TCF20: variants seen among roughly 807,000 people sequenced by gnomAD.
TCF20 encodes transcription factor 20.
TCF20 carries 3 observed loss-of-function variants against 148.6 expected under a neutral mutation model. The observed-to-expected ratio is 0.02, with a 90% CI of 0.01 to 0.05. The LOEUF (loss-of-function observed/expected upper bound fraction) is 0.05. TCF20 is among the 10% of genes least tolerant of loss of function. TCF20 has a pLI of 1.00. For missense variants in TCF20, 2,350 were observed against 2,429.3 expected (o/e 0.97, Z 0.69); for synonymous variants, 1,049 against 909.5 (o/e 1.15, Z -2.76).
intron 1 of TCF20, among the ~76,000 whole-genome samples, chr22:42,232,805 GAAAAA>G (rs373162435): frequency 3.8e-5 from 5 of 131,400 alleles, no homozygotes; most frequent in African/African-American, 1.2e-4. Context: ...TCTCCAAAAA[GAAAAA>G]AAAAAAAAAA....
intron 1 of TCF20, among the ~76,000 whole-genome samples, chr22:42,226,863 A>T (rs1252029428): frequency 6.6e-6 from 1 of 152,234 alleles, no homozygotes; most frequent in Non-Finnish European, 1.5e-5. Context: ...AAGGAAAGAA[A>T]CAAACTAGCA....
chr22:42,245,892 C>G (rs909721432), intron 1 of TCF20, among the ~76,000 whole-genome samples: 3 of 152,102 alleles, frequency 2.0e-5, no homozygotes, highest in African/African-American at 7.2e-5. Context: ...GAATTACAGG[C>G]ATGAGCCACC....
Position 42,210,773 on chromosome 22 carries a change from A to T in TCF20, c.4533T>A (p.Ala1511=), listed in dbSNP as rs61743644. Residue 1511 remains alanine, a synonymous_variant, in exon 2 of 6, where the codon GCT becomes GCA. Coordinates refer to ENST00000677622, the MANE Select transcript of TCF20 (RefSeq NM_001378418.1). This position sits in a 1 kb window ranked among gnomAD's most constrained non-coding sequence, Gnocchi z 4.7. ...TCACTGTATCGTTCTCCTTCTCTTC[A>T]GCCTTGGGGTTTGCCTCAGGGGCCA... is the stretch of plus-strand genomic sequence containing the variant. ...GILAPEANPK[A]EEKENDTVTI... 3 of 1,613,918 alleles carry T rather than the reference A, an allele frequency of 1.9e-6. No homozygotes were observed. In the African/African-American group the frequency reaches 4.0e-5, roughly 22 times the overall value.
At chr22:42,241,355 A>G (rs984631191) in intron 1 of TCF20, among the ~76,000 whole-genome samples, 1 of 152,248 alleles carries the variant, frequency 6.6e-6, no homozygotes, top group African/African-American at 2.4e-5. Context: ...AATACTGGAG[A>G]TATCAGGAGA....
chr22:42,212,843 T>A lies in TCF20; in HGVS notation c.2463A>T (p.Glu821Asp). ...CAGGAGCTGTGCTGCTTGATTTCCT[T>A]TCCCAGGGGCCCCAGTGGGGATTTT... Reference protein sequence around the residue: ...LLENPHWGPWERKSSSTAPEM... With the variant: ...LLENPHWGPWDRKSSSTAPEM... Residue 821 changes from glutamate to aspartate, a missense_variant, in exon 2 of 6, where the codon GAA becomes GAT. By Grantham distance (45) the Glu-to-Asp change is conservative. Around this residue, in one of 7 missense-constraint regions of TCF20, gnomAD observed 1,641 missense variants for 1,662.6 expected, o/e 0.99. Transcript: ENST00000677622. The A allele has an allele frequency of 6.2e-7, 1 of 1,614,164 alleles. No homozygotes were observed. The highest frequency in any genetic ancestry group is 8.5e-7 in the Non-Finnish European group (1 of 1,179,994).
intron 2 of TCF20, among the ~76,000 whole-genome samples, chr22:42,180,056 C>T (rs769731887): frequency 2.8e-4 from 42 of 152,268 alleles, no homozygotes; most frequent in Non-Finnish European, 5.9e-4. Flanking sequence ...TTCCTTGCTG[C>T]TATCGTGAGC....
chr22:42,243,142 T>A (rs1037568748), intron 1 of TCF20, among the ~76,000 whole-genome samples: 1 of 151,482 alleles, frequency 6.6e-6, no homozygotes, highest in African/African-American at 2.4e-5. Context: ...ACATTATGCA[T>A]TTGTCCAAAC....
chr22:42,300,220 G>A (rs1026117752), intron 1 of TCF20, among the ~76,000 whole-genome samples: 10 of 152,218 alleles, frequency 6.6e-5, no homozygotes, highest in Admixed American at 4.6e-4. Context: ...CAAGGAGAGC[G>A]GCAGGGCTTT....
chr22:42,239,817 A>G (rs148957713), intron 1 of TCF20, among the ~76,000 whole-genome samples: 1 of 152,326 alleles, frequency 6.6e-6, no homozygotes, highest in East Asian at 1.9e-4. Context: ...TAAAATGAAT[A>G]AAATGTTTAA....
intron 3 of TCF20, among the ~76,000 whole-genome samples, chr22:42,175,710 T>C (rs1380184395): frequency 2.0e-5 from 3 of 152,086 alleles, no homozygotes; most frequent in African/African-American, 7.2e-5. Flanking sequence ...TGACCCAGGG[T>C]AAATTACACC....
At chr22:42,188,895 A>G (rs1385219627) in intron 2 of TCF20, among the ~76,000 whole-genome samples, 1 of 152,244 alleles carries the variant, frequency 6.6e-6, no homozygotes, top group Non-Finnish European at 1.5e-5. Flanking sequence ...ACAGTGATGT[A>G]AACAGTACTT....
intron 3 of TCF20, among the ~76,000 whole-genome samples, chr22:42,178,848 A>C (rs1936601995): frequency 6.6e-6 from 1 of 151,930 alleles, no homozygotes; most frequent in South Asian, 2.1e-4. Flanking sequence ...ATAATTCTTA[A>C]AACTTGACAT....
intron 1 of TCF20, among the ~76,000 whole-genome samples, 152 bp downstream of exon 1, chr22:42,270,187 A>T (rs1926526295): frequency 6.6e-6 from 1 of 150,916 alleles, no homozygotes; most frequent in Admixed American, 6.6e-5. Context: ...TCAGCACCCC[A>T]AGCCCTGACT....
chr22:42,180,589 C>A (rs887920128), intron 2 of TCF20, among the ~76,000 whole-genome samples: 1 of 152,218 alleles, frequency 6.6e-6, no homozygotes, highest in East Asian at 1.9e-4. Flanking sequence ...GAGACAGAAA[C>A]TTGTTCCTGC....
intron 1 of TCF20, among the ~76,000 whole-genome samples, chr22:42,277,953 A>G (rs1425887443): frequency 1.3e-5 from 2 of 152,272 alleles, no homozygotes; most frequent in Non-Finnish European, 2.9e-5. Context: ...AGCTGCTCCA[A>G]AAACATACGT....
At chr22:42,232,125 C>T (rs1923473684) in intron 1 of TCF20, among the ~76,000 whole-genome samples, 1 of 152,056 alleles carries the variant, frequency 6.6e-6, no homozygotes, top group Admixed American at 6.6e-5. Context: ...ATCTTTTATA[C>T]CTTATTTTTA....
At chr22:42,190,107 G>GA (rs930405719) in intron 2 of TCF20, among the ~76,000 whole-genome samples, 20 of 151,978 alleles carry the variant, frequency 1.3e-4, no homozygotes, top group African/African-American at 4.6e-4. Context: ...ACCCAGTTGG[G>GA]AAAAAAGGGC....
chr22:42,168,482 T>A, intron 5 of TCF20, 127 bp downstream of exon 5: 1 of 1,357,400 alleles, frequency 7.4e-7, no homozygotes, highest in Non-Finnish European at 9.9e-7. Context: ...GAACACTGCA[T>A]CCACCTGGCG....
At chr22:42,242,227 A>AAAAAAAAAAAAAAGAAAAAAAAAAAAT (rs1491280192) in intron 1 of TCF20, among the ~76,000 whole-genome samples, 1 of 122,704 alleles carries the variant, frequency 8.1e-6, no homozygotes, top group African/African-American at 3.2e-5. Context: ...AAAAAAAAAA[A>AAAAAAAAAAAAAAGAAAAAAAAAAAAT]CAGAAAAGAA....
Sources: allele counts gnomAD v4.1 joint callset (sites outside exome capture counted in the v4.1 genomes callset), GRCh38; gene constraint gnomAD v4.1.1; regional missense constraint gnomAD v4.1.1; non-coding constraint Gnocchi (gnomAD v3.1); transcripts MANE v1.5; gene names NCBI Gene and HGNC (gene_info 2026-07-23, HGNC 2026-07-21).